CCSER1: variants seen among roughly 807,000 people sequenced by gnomAD.
CCSER1 encodes serine-rich coiled-coil domain-containing protein 1.
CCSER1 carries 41 observed loss-of-function variants against 82.0 expected under a neutral mutation model. The observed-to-expected ratio is 0.50, with a 90% confidence interval of 0.39 to 0.65. The LOEUF (loss-of-function observed/expected upper bound fraction) is 0.65. Ranked by LOEUF, CCSER1 falls within the 30% of genes least tolerant of loss-of-function variation. CCSER1 has a pLI of 0.00. For synonymous variants in CCSER1, 414 were observed against 383.9 expected (o/e 1.08, Z -0.92); for missense variants, 1,119 against 1,064.2 (o/e 1.05, Z -0.72).
intron 3 of CCSER1, among the ~76,000 whole-genome samples, chr4:90,319,949 G>A (rs1023905): frequency 0.31 from 47,173 of 152,014 alleles, 8,181 homozygotes; most frequent in African/African-American, 0.46. Context: ...CATTAAACAT[G>A]AAATTACATT....
In CCSER1 at chr4:90,628,015, T is replaced by TG. The variant is rs1723641242; in HGVS notation, c.1725-10_1725-9insG. 1.2e-6 allele frequency: 2 copies of TG among 1,611,402 alleles called. No homozygotes were observed. The highest frequency in any genetic ancestry group is 8.5e-7 in the Non-Finnish European group (1 of 1,177,888). On this transcript the variant is annotated splice_polypyrimidine_tract_variant and intron_variant, in intron 5 of 10. Coordinates refer to ENST00000509176, the MANE Select transcript of CCSER1 (RefSeq NM_001145065.2). ...ACTGTAATTTTTGTTCTTTTTTTTT[T>TG]TCTTGTTAGGAATCTTTCCCTGAAA...
chr4:91,433,682 T>C (rs1252942217), intron 10 of CCSER1, among the ~76,000 whole-genome samples: 2 of 152,216 alleles, frequency 1.3e-5, no homozygotes, highest in Admixed American at 6.5e-5. Flanking sequence ...GGCTGTACCA[T>C]AGAGCATAGG....
chr4:90,789,458 A>G (rs372451600), intron 7 of CCSER1, among the ~76,000 whole-genome samples: 143 of 152,064 alleles, frequency 9.4e-4, no homozygotes, highest in African/African-American at 3.3e-3. Context: ...CTGATCAGAT[A>G]TTTCTCTTTT....
chr4:90,662,034 T>C (rs571622520), intron 6 of CCSER1, among the ~76,000 whole-genome samples: 1 of 150,386 alleles, frequency 6.6e-6, no homozygotes, highest in Admixed American at 6.6e-5. Context: ...AGTCTCACTC[T>C]TTCACCCAGG....
chr4:91,594,291 G>GTA (rs1022165901), intron 10 of CCSER1, among the ~76,000 whole-genome samples: 19 of 149,330 alleles, frequency 1.3e-4, no homozygotes, highest in African/African-American at 3.4e-4. Context: ...ATATATGTGT[G>GTA]TATATATGTA....
At chr4:91,174,220 G>A (rs1378757911) in intron 10 of CCSER1, among the ~76,000 whole-genome samples, 1 of 152,038 alleles carries the variant, frequency 6.6e-6, no homozygotes, top group Non-Finnish European at 1.5e-5. Context: ...TTGGATGGCA[G>A]TCTTTTCTTT....
chr4:91,407,622 C>A (rs748618004), intron 10 of CCSER1, among the ~76,000 whole-genome samples: 3 of 152,170 alleles, frequency 2.0e-5, no homozygotes, highest in African/African-American at 7.2e-5. Context: ...GCTTCTGCTT[C>A]TGATGCGGGA....
chr4:91,490,448 G>GC (rs2110067640), intron 10 of CCSER1, among the ~76,000 whole-genome samples: 1 of 152,132 alleles, frequency 6.6e-6, no homozygotes, highest in Non-Finnish European at 1.5e-5. Context: ...TAGCAACATA[G>GC]ATGGGACTGG....
At chr4:90,499,188 A>G (rs1319842698) in intron 5 of CCSER1, among the ~76,000 whole-genome samples, 1 of 151,818 alleles carries the variant, frequency 6.6e-6, no homozygotes, top group African/African-American at 2.4e-5. Context: ...TTATTACCAT[A>G]TGGCTGAATC....
rs377616773 is a variant in CCSER1 at position 91,450,380 on chromosome 4, A to G, written c.2218-148192A>G. ...AAGTACTTACCTTTATCAACTATAA[A>G]ACCTTAGGAAGGACTTCCATTTATC... On this transcript the variant is annotated intron_variant, in intron 10 of 10. Coordinates refer to ENST00000509176, the MANE Select transcript of CCSER1 (RefSeq NM_001145065.2). Among the ~76,000 whole-genome samples the G allele has an allele frequency of 2.5e-4, 38 of 152,214 alleles. 2 individuals carry two copies. The East Asian group carries it at 5.0e-3, about 20-fold the overall frequency.
intron 8 of CCSER1, among the ~76,000 whole-genome samples, chr4:90,830,928 C>T (rs916787411): frequency 1.3e-5 from 2 of 152,038 alleles, no homozygotes; most frequent in Non-Finnish European, 2.9e-5. Context: ...ATATAAACTC[C>T]CTTCCCATTG....
chr4:91,278,273 G>A (rs983706193), intron 10 of CCSER1, among the ~76,000 whole-genome samples: 9 of 151,958 alleles, frequency 5.9e-5, no homozygotes, highest in African/African-American at 9.7e-5. Flanking sequence ...ACAGTAGGGC[G>A]TTGAAGTCCC....
chr4:90,444,088 G>A (rs1427135314), intron 4 of CCSER1, among the ~76,000 whole-genome samples: 1 of 152,074 alleles, frequency 6.6e-6, no homozygotes, highest in East Asian at 1.9e-4. Flanking sequence ...ATACTATAAA[G>A]TTATTAACAG....
chr4:91,377,593 G>A (rs894109267), intron 10 of CCSER1, among the ~76,000 whole-genome samples: 56 of 152,074 alleles, frequency 3.7e-4, no homozygotes, highest in African/African-American at 1.2e-3. Context: ...TTTTGATGGG[G>A]TTGTTTGTTT....
At chr4:91,320,098 CTG>C (rs1283682807) in intron 10 of CCSER1, among the ~76,000 whole-genome samples, 2 of 152,022 alleles carry the variant, frequency 1.3e-5, no homozygotes, top group Non-Finnish European at 2.9e-5. Flanking sequence ...TCAGCTGTCT[CTG>C]TATCACAGTG....
At chr4:90,616,202 T>G (rs1721159967) in intron 5 of CCSER1, among the ~76,000 whole-genome samples, 1 of 152,214 alleles carries the variant, frequency 6.6e-6, no homozygotes, top group Non-Finnish European at 1.5e-5. Context: ...TTGTGTGACT[T>G]CCTTTATTGA....
chr4:91,128,177 G>T (rs186138935), intron 10 of CCSER1, among the ~76,000 whole-genome samples: 4 of 151,864 alleles, frequency 2.6e-5, no homozygotes, highest in African/African-American at 4.8e-5. Flanking sequence ...CCAGGCCCAC[G>T]TGTTCTTTTC....
At chr4:91,370,036 C>T (rs1034147019) in intron 10 of CCSER1, among the ~76,000 whole-genome samples, 4 of 151,828 alleles carry the variant, frequency 2.6e-5, no homozygotes, top group Non-Finnish European at 4.4e-5. Flanking sequence ...CTATATGATA[C>T]TTATTGTGGT....
rs186605592 is a variant in CCSER1 at position 90,603,097 on chromosome 4, A to G, written c.1725-24928A>G. 6.8e-4 allele frequency among the ~76,000 whole-genome samples: 103 copies of G among 152,344 alleles called. 1 individual carries two copies. The highest frequency in any genetic ancestry group is 6.0e-3 in the Admixed American group (92 of 15,298). ...GACTTACAGGGAATTTTCTCCCAAC[A>G]TATTTAGAAGTATCGGTTACTTCTT... is the stretch of plus-strand genomic sequence containing the variant. On this transcript the variant is annotated intron_variant, in intron 5 of 10. Transcript: ENST00000509176.
Sources: allele counts gnomAD v4.1 joint callset (sites outside exome capture counted in the v4.1 genomes callset), GRCh38; gene constraint gnomAD v4.1.1; transcripts MANE v1.5; gene names NCBI Gene and HGNC (gene_info 2026-07-23, HGNC 2026-07-21).